The following HHAT variants were observed in gnomAD, a reference collection of about 807,000 sequenced individuals.
HHAT encodes the protein hedgehog acyltransferase.
HHAT carries 47 observed loss-of-function variants against 70.8 expected under a neutral mutation model. That is an observed-to-expected ratio of 0.66 (90% CI 0.53 to 0.85). HHAT has a LOEUF of 0.85. Among genes scored for constraint, HHAT ranks in the 40% least tolerant of loss-of-function variants. HHAT has a pLI of 0.00. For missense variants in HHAT, 609 were observed against 604.8 expected, an observed-to-expected ratio of 1.01 and a Z score of -0.07; for synonymous variants, 228 against 247.6, an observed-to-expected ratio of 0.92 and a Z score of 0.74.
At chr1:210,470,526 AG>A (rs1420928165) in intron 8 of HHAT, among the ~76,000 whole-genome samples, 15 of 152,228 alleles carry the variant, frequency 9.9e-5, no homozygotes, top group African/African-American at 3.6e-4. Context: ...CATAGATCAA[AG>A]TGGAAAGGGA....
intron 8 of HHAT, among the ~76,000 whole-genome samples, chr1:210,511,508 G>A (rs765832258): frequency 9.9e-5 from 15 of 152,136 alleles, no homozygotes; most frequent in Non-Finnish European, 2.2e-4. Context: ...CGAGGTACCA[G>A]GCATGATGGG....
intron 7 of HHAT, among the ~76,000 whole-genome samples, chr1:210,456,236 G>T (rs891535197): frequency 1.1e-4 from 17 of 152,174 alleles, no homozygotes; most frequent in African/African-American, 4.1e-4. Context: ...ACCAACATCT[G>T]CTTTGTTCGT....
rs559525288 is a variant in HHAT at position 210,505,560 on chromosome 1, G to A, written c.1008-7593G>A. 5.3e-5 allele frequency among the ~76,000 whole-genome samples: 8 copies of A among 152,232 alleles called. No individual in the cohort carries two copies. In the South Asian group the frequency reaches 1.7e-3, roughly 32 times the overall value. On this transcript the variant is annotated intron_variant, in intron 8 of 11. Coordinates refer to ENST00000261458, the MANE Select transcript of HHAT (RefSeq NM_018194.6). Reference sequence around the variant, plus strand: ...TGCTCTCCAAAATTGGGTTAGGTAGGCCAGCTGAACTAATCAGGGCTTCTT... The same window carrying A: ...TGCTCTCCAAAATTGGGTTAGGTAGACCAGCTGAACTAATCAGGGCTTCTT...
Position 210,328,974 on chromosome 1 carries a change from G to C in HHAT, c.-174G>C, listed in dbSNP as rs55884682. 2,384 of 1,319,484 alleles carry C rather than the reference G, an allele frequency of 1.8e-3. 17 individuals are homozygous for C. The African/African-American group carries it at 0.027, about 15-fold the overall frequency. The allele number at this position is 1,319,484 out of a possible 1,614,324, so 81.7% of individuals were successfully genotyped here. ...CTCCAAAGGGCAGCTCCGGGGGAAAGAGGGTGGCGTCCCGGGGAAGCCCGC... is the reference window on the plus strand; with the variant it reads ...CTCCAAAGGGCAGCTCCGGGGGAAACAGGGTGGCGTCCCGGGGAAGCCCGC... On this transcript the variant is annotated 5_prime_UTR_variant, in exon 1 of 12. Transcript: ENST00000261458.
intron 10 of HHAT, among the ~76,000 whole-genome samples, chr1:210,622,024 A>G (rs535065030): frequency 7.9e-5 from 12 of 152,312 alleles, no homozygotes; most frequent in African/African-American, 2.6e-4. Context: ...GAGGAGTCAG[A>G]AATTCATTTC....
At chr1:210,571,173 A>T (rs891652315) in intron 9 of HHAT, among the ~76,000 whole-genome samples, 1 of 152,238 alleles carries the variant, frequency 6.6e-6, no homozygotes, top group African/African-American at 2.4e-5. Context: ...GTCTTTGGGC[A>T]TGAACCAGAT....
At chr1:210,455,377 C>T (rs183235933) in intron 7 of HHAT, among the ~76,000 whole-genome samples, 1 of 152,308 alleles carries the variant, frequency 6.6e-6, no homozygotes, top group Non-Finnish European at 1.5e-5. Flanking sequence ...CCTTTGCATA[C>T]GTTGTGCTCT....
At chr1:210,361,746 T>C (rs2088338030) in intron 2 of HHAT, among the ~76,000 whole-genome samples, 1 of 152,118 alleles carries the variant, frequency 6.6e-6, no homozygotes, top group East Asian at 1.9e-4. Flanking sequence ...TGTCCTTTTT[T>C]GGGGGGGAAT....
chr1:210,516,157 A>G (rs1373583937), intron 9 of HHAT, among the ~76,000 whole-genome samples: 1 of 152,146 alleles, frequency 6.6e-6, no homozygotes, highest in Non-Finnish European at 1.5e-5. Context: ...TTATGACTGG[A>G]CACCTTAGTA....
chr1:210,442,378 G>A (rs1239050487), intron 7 of HHAT, among the ~76,000 whole-genome samples: 5 of 142,850 alleles, frequency 3.5e-5, no homozygotes, highest in African/African-American at 1.3e-4. Flanking sequence ...TAATGGGATG[G>A]CTGGGTCAAA....
chr1:210,434,710 A>G (rs920944222), intron 7 of HHAT, among the ~76,000 whole-genome samples: 9 of 151,802 alleles, frequency 5.9e-5, no homozygotes, highest in Admixed American at 1.3e-4. Flanking sequence ...GTTAGCTACC[A>G]TTGACACCTT....
intron 8 of HHAT, among the ~76,000 whole-genome samples, chr1:210,510,733 C>T (rs773785279): frequency 1.2e-4 from 19 of 152,220 alleles, no homozygotes; most frequent in Non-Finnish European, 2.1e-4. Flanking sequence ...GTACCTGCCT[C>T]ACCAGCATGT....
intron 7 of HHAT, among the ~76,000 whole-genome samples, chr1:210,464,059 T>C (rs954707755): frequency 3.3e-5 from 5 of 152,220 alleles, no homozygotes; most frequent in Non-Finnish European, 5.9e-5. Flanking sequence ...AATAACCCAA[T>C]TGTATTCTTC....
intron 10 of HHAT, among the ~76,000 whole-genome samples, chr1:210,602,944 TGTTA>T (rs887274988): frequency 2.0e-5 from 3 of 152,222 alleles, no homozygotes; most frequent in African/African-American, 7.2e-5. Flanking sequence ...AATAATTCCA[TGTTA>T]GTTCAAATAT....
At chr1:210,478,575 A>T (rs985048172) in intron 8 of HHAT, among the ~76,000 whole-genome samples, 1 of 152,158 alleles carries the variant, frequency 6.6e-6, no homozygotes, top group East Asian at 1.9e-4. Flanking sequence ...TGTGCTTCAG[A>T]GGAGAGGGAA....
chr1:210,517,096 G>A (rs149876889), intron 9 of HHAT, among the ~76,000 whole-genome samples: 71 of 152,274 alleles, frequency 4.7e-4, no homozygotes, highest in Admixed American at 9.8e-4. Context: ...AAGCCTACTG[G>A]CTGGAGTTCT....
In HHAT at chr1:210,523,707, G is replaced by A. The variant is rs376112019; in HGVS notation, c.1043+10519G>A. 2.6e-5 allele frequency among the ~76,000 whole-genome samples: 4 copies of A among 152,184 alleles called. No homozygotes were observed. The East Asian group carries it at 5.8e-4, about 22-fold the overall frequency. On this transcript the variant is annotated intron_variant, in intron 9 of 11. Coordinates refer to ENST00000261458, the MANE Select transcript of HHAT (RefSeq NM_018194.6). ...GATCTTCTGCGTAGTACCCCACAAC[G>A]TCTAATGTCTAGAGGGCTCCTAAAC...
chr1:210,664,945 T>C (rs1678573362), intron 11 of HHAT, among the ~76,000 whole-genome samples: 2 of 152,224 alleles, frequency 1.3e-5, no homozygotes, highest in Non-Finnish European at 1.5e-5. Flanking sequence ...CCCAAATTCA[T>C]CAGTCACCAA....
At chr1:210,460,271 T>G (rs779624735) in intron 7 of HHAT, among the ~76,000 whole-genome samples, 1 of 152,190 alleles carries the variant, frequency 6.6e-6, no homozygotes, top group Non-Finnish European at 1.5e-5. Flanking sequence ...GAAGACCATA[T>G]GGGATGAAAG....
Sources: allele counts gnomAD v4.1 joint callset (sites outside exome capture counted in the v4.1 genomes callset), GRCh38; gene constraint gnomAD v4.1.1; transcripts MANE v1.5; gene names NCBI Gene and HGNC (gene_info 2026-07-23, HGNC 2026-07-21).